AKAP8: variants seen among roughly 807,000 people sequenced by gnomAD.
AKAP8 encodes the protein A-kinase anchoring protein 8.
Under a neutral mutation model 67.5 loss-of-function variants are expected in AKAP8, and 24 were observed. The observed-to-expected ratio is 0.36, with a 90% CI of 0.26 to 0.50. The LOEUF is 0.50. AKAP8 is among the 20% of genes least tolerant of loss of function. The pLI is 0.97. For missense variants in AKAP8, 971 were observed against 955.9 expected (o/e 1.02, Z -0.21); for synonymous variants, 400 against 371.1 (o/e 1.08, Z -0.90).
At position 15,355,205 on chromosome 19, in the gene AKAP8, G is replaced by C; in HGVS notation, c.1789C>G (p.Pro597Ala). The change falls in exon 14 of 14, where the codon CCA (proline) becomes GCA (alanine). Residue 597 changes from proline to alanine, a missense_variant. Physicochemically the swap from Pro to Ala is conservative, Grantham distance 27. Around this residue, in one of 3 missense-constraint regions of AKAP8, gnomAD observed 204 missense variants for 193.0 expected, o/e 1.06. Coordinates refer to ENST00000269701, the MANE Select transcript of AKAP8 (RefSeq NM_005858.4). ...TCAGCCGGCTCCCCGCTGCTCTCTG[G>C]AGCGGGCGCTCCTTCCCCATCTACG... ...RAVDGEGAPA[P>A]ESSGEPAEDE... 1 of 1,611,440 alleles carries C rather than the reference G, an allele frequency of 6.2e-7. No individual in the cohort carries two copies. Among genetic ancestry groups the C allele is most frequent in the Non-Finnish European group, 8.5e-7 (1 of 1,180,028 alleles).
At chr19:15,374,500 G>A in intron 3 of AKAP8, 103 bp downstream of exon 3, 2 of 1,385,002 alleles carry the variant, frequency 1.4e-6, no homozygotes, top group Non-Finnish European at 2.0e-6. Context: ...CAGGAACAGA[G>A]CCAGAAAGTC....
Position 15,379,752 on chromosome 19 carries a change from G to A in AKAP8, c.-21C>T. 6.2e-7 allele frequency: 1 copy of A among 1,610,786 alleles called. No individual in the cohort carries two copies. Among genetic ancestry groups the A allele is most frequent in the Non-Finnish European group, 8.5e-7 (1 of 1,178,810 alleles). ...TCCATGTCTTCGACGCGGCCCACCA[G>A]CAGCCCCGTTTACTAGGCGACCACA... is the stretch of plus-strand genomic sequence containing the variant. On this transcript the variant is annotated 5_prime_UTR_variant, in exon 1 of 14. Transcript: ENST00000269701.
chr19:15,370,026 CT>C, intron 8 of AKAP8, 119 bp downstream of exon 8: 6 of 1,262,358 alleles, frequency 4.8e-6, no homozygotes, highest in Non-Finnish European at 6.9e-6. Flanking sequence ...GCTGCAGCCC[CT>C]CTTCCCCCAC....
In AKAP8 at chr19:15,373,977, G is replaced by A. The variant is rs532287287; in HGVS notation, c.180C>T (p.Ala60=). The A allele has an allele frequency of 4.3e-6, 7 of 1,613,434 alleles. No individual in the cohort carries two copies. Among genetic ancestry groups the A allele is most frequent in the East Asian group, 2.2e-5 (1 of 44,878 alleles). The change falls in exon 4 of 14, where the codon GCC becomes GCT. Residue 60 remains alanine (A), a synonymous_variant. Transcript: ENST00000269701. ...TYSYGPASWE[A]AKANDGGLAA... is the part of the protein sequence containing the mutation. The stretch of plus-strand genomic sequence containing the variant: ...CCAGGCCGCCATCATTGGCCTTGGC[G>A]GCCTCCCACGAGGCTGGGCCGTAGC...
intron 2 of AKAP8, among the ~76,000 whole-genome samples, chr19:15,374,999 G>C (rs188087629): frequency 6.6e-6 from 1 of 152,194 alleles, no homozygotes; most frequent in Non-Finnish European, 1.5e-5. Context: ...GAGTGCAGGC[G>C]CTGCCAACTG....
intron 5 of AKAP8, among the ~76,000 whole-genome samples, chr19:15,372,620 G>A (rs1693324518): frequency 6.6e-6 from 1 of 152,056 alleles, no homozygotes; most frequent in Non-Finnish European, 1.5e-5. Flanking sequence ...GCTGGTGGGG[G>A]CGGGGAAGAG....
chr19:15,364,323 G>A lies in AKAP8; in HGVS notation c.1161-2072C>T, dbSNP rs540328034. Among the ~76,000 whole-genome samples the A allele has an allele frequency of 2.1e-3, 311 of 147,756 alleles. 2 individuals are homozygous for A. Among genetic ancestry groups the A allele is most frequent in the Non-Finnish European group, 3.6e-3 (244 of 66,918 alleles). ...ATTACAGGGGCCCGCCACCAAGCCTGGCTAAATTTTTGTATTTTTATTTTA... is the reference window on the plus strand; with the variant it reads ...ATTACAGGGGCCCGCCACCAAGCCTAGCTAAATTTTTGTATTTTTATTTTA... On this transcript the variant is annotated intron_variant, in intron 9 of 13. Coordinates refer to ENST00000269701, the MANE Select transcript of AKAP8 (RefSeq NM_005858.4).
At chr19:15,379,213 C>T (rs980996718) in intron 1 of AKAP8, 6 of 154,824 alleles carry the variant, frequency 3.9e-5, no homozygotes, top group Admixed American at 6.5e-5. Flanking sequence ...CACGGCCCCG[C>T]GGGCCTAGGG....
At chr19:15,359,856 G>A (rs1363830308) in intron 12 of AKAP8, among the ~76,000 whole-genome samples, 1 of 152,090 alleles carries the variant, frequency 6.6e-6, no homozygotes, top group Non-Finnish European at 1.5e-5. Context: ...TACTGGGGCT[G>A]GGTGCAGTGG....
At chr19:15,360,368 G>C (rs118180330) in intron 12 of AKAP8, among the ~76,000 whole-genome samples, 3,889 of 152,292 alleles carry the variant, frequency 0.026, 54 homozygotes, top group Non-Finnish European at 0.038. Context: ...AGCTGTTGCT[G>C]GATAGGGCCT....
intron 8 of AKAP8, chr19:15,368,646 C>T: frequency 1.0e-6 from 1 of 985,272 alleles, no homozygotes. Context: ...CAATCTCATG[C>T]CCTGCGATGG....
chr19:15,364,220 G>C (rs562194099), intron 9 of AKAP8, among the ~76,000 whole-genome samples: 1 of 145,320 alleles, frequency 6.9e-6, no homozygotes, highest in East Asian at 2.0e-4. Flanking sequence ...GGAGTGCAAT[G>C]GTGCGATCTC....
chr19:15,365,202 G>A (rs1409107033), intron 9 of AKAP8, among the ~76,000 whole-genome samples: 2 of 152,176 alleles, frequency 1.3e-5, no homozygotes, highest in Non-Finnish European at 2.9e-5. Context: ...GTTCCTCTCT[G>A]CAGGAACTGG....
Position 15,355,320 on chromosome 19 carries a change from A to G in AKAP8, c.1674T>C (p.Asp558=). The change falls in exon 14 of 14, where the codon GAT becomes GAC. Residue 558 remains aspartate, a synonymous_variant. Transcript: ENST00000269701. ...SETVDPEMEG[D]DNLGGEDKKE... ...TCTTATCCTCACCTCCTAAATTGTC[A>G]TCTCCTTCCATTTCTGGATCAACAG... 1.2e-6 allele frequency: 2 copies of G among 1,613,454 alleles called. No homozygotes were observed. Among genetic ancestry groups the G allele is most frequent in the Non-Finnish European group, 8.5e-7 (1 of 1,179,944 alleles).
rs772466008 is a variant in AKAP8, at chr19:15,368,308, C to T, written c.1087G>A (p.Glu363Lys). The change falls in exon 9 of 14, where the codon GAG (glutamate) becomes AAG (lysine). Residue 363 changes from glutamate (E) to lysine (K), a missense_variant. Coordinates refer to ENST00000269701, the MANE Select transcript of AKAP8 (RefSeq NM_005858.4). ...CTTCTCTTCTTCACATCCTCGTCCTCGTCCTCCTTCTCTCCTGTAACAGAC... is the reference window on the plus strand; with the variant it reads ...CTTCTCTTCTTCACATCCTCGTCCTTGTCCTCCTTCTCTCCTGTAACAGAC... ...SGRQRGEKED[E>K]DEDVKKRREK... The T allele has an allele frequency of 3.1e-6, 5 of 1,613,604 alleles. No individual in the cohort carries two copies. Among genetic ancestry groups the T allele is most frequent in the African/African-American group, 1.3e-5 (1 of 74,930 alleles).
intron 8 of AKAP8, 164 bp from the exon 9 acceptor site, chr19:15,368,486 C>T (rs1967104568): frequency 2.0e-6 from 2 of 985,236 alleles, no homozygotes; most frequent in African/African-American, 1.7e-5. Context: ...TCAGAGACTC[C>T]TGGTGGACAC....
intron 9 of AKAP8, among the ~76,000 whole-genome samples, chr19:15,364,570 C>T (rs553503901): frequency 3.5e-4 from 54 of 152,218 alleles, no homozygotes; most frequent in Non-Finnish European, 6.3e-4. Flanking sequence ...AGGTTGGTCT[C>T]GAACTCCTGA....
intron 2 of AKAP8, 120 bp downstream of exon 2, chr19:15,376,856 T>C (rs1967261365): frequency 8.7e-7 from 1 of 1,151,672 alleles, no homozygotes; most frequent in South Asian, 1.4e-5. Flanking sequence ...TCTGATCTTT[T>C]ACACAAAGTT....
intron 1 of AKAP8, chr19:15,379,500 G>C: frequency 8.1e-6 from 4 of 492,630 alleles, no homozygotes; most frequent in Non-Finnish European, 1.0e-5. Context: ...CCGCCTCCTC[G>C]GGGCCTGGCG....
Sources: gnomAD v4.1 joint callset for allele counts (sites outside exome capture counted in the v4.1 genomes callset) on GRCh38, gnomAD v4.1.1 for gene constraint, gnomAD v4.1.1 regional missense constraint, MANE v1.5 for transcripts, NCBI Gene and HGNC (gene_info 2026-07-23, HGNC 2026-07-21) for gene names.